FRMD5: variants seen among roughly 807,000 people sequenced by gnomAD.
FRMD5 encodes FERM domain containing 5, also known as FERM domain-containing protein 5.
In FRMD5, 20 loss-of-function variants were observed where a neutral mutation model predicts 69.0. That is an observed-to-expected ratio of 0.29 (90% CI 0.20 to 0.42). The LOEUF (loss-of-function observed/expected upper bound fraction) is 0.42, where lower values mean the gene tolerates loss of function less well. Ranked by LOEUF, FRMD5 falls within the 10% of genes least tolerant of loss-of-function variation. FRMD5 has a pLI of 1.00. For synonymous variants in FRMD5, 271 were observed against 260.1 expected, an observed-to-expected ratio of 1.04 and a Z score of -0.40; for missense variants, 595 against 708.6, an observed-to-expected ratio of 0.84 and a Z score of 1.82.
At chr15:44,035,992 G>C (rs1485996514) in intron 1 of FRMD5, among the ~76,000 whole-genome samples, 4 of 152,202 alleles carry the variant, frequency 2.6e-5, no homozygotes, top group South Asian at 2.1e-4. Flanking sequence ...TGAAGGCACT[G>C]CTTGGATGAA....
intron 1 of FRMD5, among the ~76,000 whole-genome samples, chr15:43,982,615 AC>A (rs954663867): frequency 2.6e-5 from 4 of 152,210 alleles, no homozygotes; most frequent in African/African-American, 9.7e-5. Flanking sequence ...AGAATAGGGC[AC>A]TTTCATCTGC....
intron 1 of FRMD5, among the ~76,000 whole-genome samples, chr15:44,050,847 G>A (rs1253234477): frequency 6.7e-6 from 1 of 150,358 alleles, no homozygotes; most frequent in East Asian, 2.0e-4. Flanking sequence ...TAGTAGAGAC[G>A]GGGTTTCACC....
chr15:44,067,108 T>A (rs1187808231), intron 1 of FRMD5, among the ~76,000 whole-genome samples: 2 of 151,226 alleles, frequency 1.3e-5, no homozygotes, highest in African/African-American at 4.9e-5. Context: ...AGAAAGAGAG[T>A]ATAAAAGGGA....
At chr15:44,146,685 A>C (rs2077361707) in intron 1 of FRMD5, among the ~76,000 whole-genome samples, 1 of 152,116 alleles carries the variant, frequency 6.6e-6, no homozygotes, top group Non-Finnish European at 1.5e-5. Context: ...AATAATTGCC[A>C]TTCTGAATGG....
At chr15:43,911,829 G>A (rs2089293496) in intron 4 of FRMD5, among the ~76,000 whole-genome samples, 1 of 152,096 alleles carries the variant, frequency 6.6e-6, no homozygotes, top group Non-Finnish European at 1.5e-5. Context: ...TTGTCCACTT[G>A]ATCATGTAAA....
chr15:43,885,089 A>G (rs1235194972), intron 11 of FRMD5: 1 of 359,056 alleles, frequency 2.8e-6, no homozygotes, highest in Non-Finnish European at 5.1e-6. Context: ...AAAAAAACAC[A>G]TAAGAACAAC....
chr15:44,154,647 C>A (rs1314752088), intron 1 of FRMD5, among the ~76,000 whole-genome samples: 1 of 152,138 alleles, frequency 6.6e-6, no homozygotes, highest in East Asian at 1.9e-4. Context: ...ATGTGTAAAA[C>A]CTTTATTGCA....
chr15:43,953,952 T>A (rs2090075910), intron 1 of FRMD5, among the ~76,000 whole-genome samples: 1 of 152,180 alleles, frequency 6.6e-6, no homozygotes, highest in Non-Finnish European at 1.5e-5. Flanking sequence ...TGCCTGAAGT[T>A]TATGGCACAG....
At chr15:43,933,388 CT>C (rs2089708321) in intron 1 of FRMD5, among the ~76,000 whole-genome samples, 1 of 152,214 alleles carries the variant, frequency 6.6e-6, no homozygotes, top group South Asian at 2.1e-4. Context: ...ACCTGGAGGG[CT>C]TGTTAAAATA....
chr15:44,094,988 C>A (rs2076530029), intron 1 of FRMD5, among the ~76,000 whole-genome samples: 1 of 151,956 alleles, frequency 6.6e-6, no homozygotes, highest in Non-Finnish European at 1.5e-5. Context: ...ACTCACTGGA[C>A]CCCTAGGGAG....
chr15:43,906,727 G>A (rs981500249), intron 5 of FRMD5, among the ~76,000 whole-genome samples: 3 of 147,700 alleles, frequency 2.0e-5, no homozygotes, highest in African/African-American at 5.3e-5. Context: ...TCAGCCTCCC[G>A]CGTAGCTGGG....
intron 1 of FRMD5, among the ~76,000 whole-genome samples, chr15:44,097,685 T>TGCA (rs1345297975): frequency 1.3e-5 from 2 of 152,194 alleles, no homozygotes; most frequent in African/African-American, 4.8e-5. Flanking sequence ...GTCTAATGTG[T>TGCA]GCAAACTCCT....
chr15:43,874,971 G>A (rs560871192), intron 13 of FRMD5, among the ~76,000 whole-genome samples: 15 of 152,060 alleles, frequency 9.9e-5, no homozygotes, highest in South Asian at 4.2e-4. Context: ...AGGCCAAGGC[G>A]GGCGGATCAT....
intron 1 of FRMD5, among the ~76,000 whole-genome samples, chr15:44,098,406 T>C (rs1403265037): frequency 6.6e-6 from 1 of 151,784 alleles, no homozygotes; most frequent in African/African-American, 2.4e-5. Context: ...ATGCCTGTAG[T>C]CCCAGCTACT....
At chr15:43,915,685 C>A (rs2089373998) in intron 4 of FRMD5, among the ~76,000 whole-genome samples, 1 of 152,126 alleles carries the variant, frequency 6.6e-6, no homozygotes, top group Admixed American at 6.6e-5. Flanking sequence ...AGAAATTAAT[C>A]AGGATTTGGC....
chr15:44,027,418 C>A (rs537380563), intron 1 of FRMD5, among the ~76,000 whole-genome samples: 17 of 152,256 alleles, frequency 1.1e-4, no homozygotes, highest in African/African-American at 3.6e-4. Context: ...AGAATTAAGT[C>A]AGCTTTGCTG....
At chr15:43,967,413 A>G (rs1428798503) in intron 1 of FRMD5, among the ~76,000 whole-genome samples, 1 of 151,990 alleles carries the variant, frequency 6.6e-6, no homozygotes, top group Non-Finnish European at 1.5e-5. Flanking sequence ...TTGTATTTTT[A>G]GTAGAGACAG....
intron 13 of FRMD5, among the ~76,000 whole-genome samples, chr15:43,879,129 G>A (rs918194025): frequency 9.9e-5 from 15 of 151,722 alleles, no homozygotes; most frequent in Non-Finnish European, 1.9e-4. Context: ...GTAGAGATGG[G>A]GTTTCGCCAT....
intron 1 of FRMD5, among the ~76,000 whole-genome samples, chr15:44,036,906 T>C (rs886428012): frequency 7.2e-5 from 11 of 152,226 alleles, no homozygotes; most frequent in East Asian, 3.8e-4. Flanking sequence ...AGGACTCTAA[T>C]GAAATTCTTG....
Sources: allele counts gnomAD v4.1 joint callset (sites outside exome capture counted in the v4.1 genomes callset), GRCh38; gene constraint gnomAD v4.1.1; transcripts MANE v1.5; gene names NCBI Gene and HGNC (gene_info 2026-07-23, HGNC 2026-07-21).